HDAC9: variants seen among roughly 807,000 people sequenced by gnomAD.
HDAC9 encodes the protein histone deacetylase 9.
Under a neutral mutation model 139.4 loss-of-function variants are expected in HDAC9, and 41 were observed. The observed-to-expected ratio is 0.29, with a 90% CI of 0.23 to 0.38. The LOEUF (loss-of-function observed/expected upper bound fraction) is 0.38, where lower values mean the gene tolerates loss of function less well. HDAC9 is among the 10% of genes least tolerant of loss of function. The probability of loss-of-function intolerance (pLI) is 1.00; values close to 1 mark genes in which losing one functional copy is unlikely to be tolerated. For missense variants in HDAC9, 1,147 were observed against 1,297.0 expected (o/e 0.88, Z 1.78); for synonymous variants, 517 against 476.2 (o/e 1.09, Z -1.12).
intron 12 of HDAC9, among the ~76,000 whole-genome samples, chr7:18,709,804 T>C (rs993956932): frequency 1.3e-5 from 2 of 152,168 alleles, no homozygotes; most frequent in African/African-American, 4.8e-5. Flanking sequence ...CCCAAAGTGT[T>C]GGCATCACAG....
At chr7:18,506,227 C>G (rs1167059892) in intron 2 of HDAC9, among the ~76,000 whole-genome samples, 3 of 152,052 alleles carry the variant, frequency 2.0e-5, no homozygotes, top group Admixed American at 6.5e-5. Context: ...ATCTCTGCCA[C>G]CTTGAGAGAA....
At position 18,992,173 on chromosome 7, in the gene HDAC9, A is replaced by G. The variant is rs146063485; in HGVS notation, c.3171-3850A>G. On this transcript the variant is annotated intron_variant, in intron 25 of 25. Coordinates refer to ENST00000686413, the MANE Select transcript of HDAC9 (RefSeq NM_178425.4). ...AATGTATACCAAAGACATTCTCAGCATAAGTCTTTAGAGTACGTATACTAG... is the reference window on the plus strand; with the variant it reads ...AATGTATACCAAAGACATTCTCAGCGTAAGTCTTTAGAGTACGTATACTAG... Among the ~76,000 whole-genome samples the G allele has an allele frequency of 6.6e-3, 1,010 of 152,342 alleles. 18 individuals are homozygous for G. Among genetic ancestry groups the G allele is most frequent in the African/African-American group, 0.023 (962 of 41,582 alleles).
chr7:18,724,494 A>G lies in HDAC9; in HGVS notation c.1732-3086A>G, dbSNP rs567595369. ...AATGAGTGGAGCTTGCATAACTGGAAGTTGCTGTGGGTGAGTCAGCGACTG... is the reference window on the plus strand; with the variant it reads ...AATGAGTGGAGCTTGCATAACTGGAGGTTGCTGTGGGTGAGTCAGCGACTG... On this transcript the variant is annotated intron_variant, in intron 12 of 25. Coordinates refer to ENST00000686413, the MANE Select transcript of HDAC9 (RefSeq NM_178425.4). Among the ~76,000 whole-genome samples the G allele has an allele frequency of 6.8e-4, 104 of 152,310 alleles. 1 individual carries two copies. The highest frequency in any genetic ancestry group is 5.6e-3 in the South Asian group (27 of 4,816).
intron 1 of HDAC9, among the ~76,000 whole-genome samples, chr7:18,355,462 A>G (rs1332069698): frequency 6.6e-6 from 1 of 152,222 alleles, no homozygotes. Flanking sequence ...TTAGGATTAA[A>G]AAAATTCTGT....
At chr7:18,207,539 CTTT>C (rs56690120) in intron 2 of HDAC9, among the ~76,000 whole-genome samples, 21 of 53,742 alleles carry the variant, frequency 3.9e-4, no homozygotes, top group Admixed American at 3.3e-3. Flanking sequence ...CCCAAGGAGT[CTTT>C]TTTTTTTTTT....
intron 17 of HDAC9, among the ~76,000 whole-genome samples, chr7:18,825,397 GC>G (rs1212207255): frequency 6.6e-6 from 1 of 152,130 alleles, no homozygotes; most frequent in African/African-American, 2.4e-5. Flanking sequence ...AATTATAGAA[GC>G]CAAGAAAAGT....
intron 1 of HDAC9, among the ~76,000 whole-genome samples, chr7:18,129,944 G>A (rs907308247): frequency 3.3e-5 from 5 of 151,242 alleles, no homozygotes; most frequent in African/African-American, 1.2e-4. Flanking sequence ...ATTCTTTGAG[G>A]AAGTGGCACT....
At chr7:18,586,190 C>G (rs1055360781) in intron 3 of HDAC9, among the ~76,000 whole-genome samples, 5 of 151,826 alleles carry the variant, frequency 3.3e-5, no homozygotes, top group African/African-American at 1.2e-4. Context: ...TATCCATATT[C>G]CAGAATTTTT....
At chr7:18,165,998 C>G (rs879634170) in intron 2 of HDAC9, among the ~76,000 whole-genome samples, 6 of 152,172 alleles carry the variant, frequency 3.9e-5, no homozygotes, top group Admixed American at 2.0e-4. Context: ...CCCAGGGCAG[C>G]TTTTTAGTCC....
intron 25 of HDAC9, among the ~76,000 whole-genome samples, chr7:18,978,853 G>A (rs1210513840): frequency 1.3e-5 from 2 of 152,130 alleles, no homozygotes; most frequent in Non-Finnish European, 2.9e-5. Context: ...AAAAGATTTG[G>A]AAAGGCAATC....
intron 2 of HDAC9, among the ~76,000 whole-genome samples, chr7:18,568,020 G>GTGTGTATATA (rs1402833122): frequency 2.0e-5 from 1 of 48,848 alleles, no homozygotes; most frequent in African/African-American, 1.2e-4. Flanking sequence ...CAGGATATAT[G>GTGTGTATATA]TATATGTATA....
At chr7:18,711,124 T>A (rs1045830812) in intron 12 of HDAC9, among the ~76,000 whole-genome samples, 1 of 152,206 alleles carries the variant, frequency 6.6e-6, no homozygotes, top group Non-Finnish European at 1.5e-5. Context: ...ACAATCTCTA[T>A]GCAGTAGATA....
chr7:18,096,678 C>T (rs1782522420), intron 1 of HDAC9, among the ~76,000 whole-genome samples: 1 of 152,164 alleles, frequency 6.6e-6, no homozygotes, highest in African/African-American at 2.4e-5. Flanking sequence ...TTCCATAGCA[C>T]TGTGTGCATT....
At position 18,909,981 on chromosome 7, in the gene HDAC9, A is replaced by AT. The variant is rs34293829; in HGVS notation, c.2804-25820dup. Among the ~76,000 whole-genome samples the AT allele has an allele frequency of 8.9e-3, 1,354 of 151,376 alleles. 31 individuals carry two copies. The highest frequency in any genetic ancestry group is 0.032 in the African/African-American group (1,302 of 41,284). On this transcript the variant is annotated intron_variant, in intron 22 of 25. Transcript: ENST00000686413. The stretch of plus-strand genomic sequence containing the variant: ...TTTGTGGTTTCATACAAATTTTAGG[A>AT]TTTTTTTTATTTGTGCAGAGAATGA...
intron 16 of HDAC9, 169 bp from the exon 17 acceptor site, chr7:18,793,176 G>T: frequency 1.7e-6 from 1 of 604,072 alleles, no homozygotes; most frequent in East Asian, 2.8e-5. Flanking sequence ...CAAGACGGAA[G>T]ACTAATGTTA....
At chr7:18,990,226 G>C (rs1279215671) in intron 25 of HDAC9, among the ~76,000 whole-genome samples, 1 of 152,168 alleles carries the variant, frequency 6.6e-6, no homozygotes, top group Non-Finnish European at 1.5e-5. Flanking sequence ...GTACAGATGG[G>C]TTTCTGGTGT....
intron 2 of HDAC9, among the ~76,000 whole-genome samples, chr7:18,550,336 A>G (rs752532295): frequency 7.2e-5 from 11 of 152,104 alleles, no homozygotes; most frequent in Admixed American, 2.6e-4. Context: ...TTCCCAACCT[A>G]TATGTATTCC....
At chr7:18,558,720 C>T (rs1400173381) in intron 2 of HDAC9, among the ~76,000 whole-genome samples, 1 of 152,198 alleles carries the variant, frequency 6.6e-6, no homozygotes, top group Non-Finnish European at 1.5e-5. Flanking sequence ...ACGAACTTTT[C>T]TGGCAACATT....
chr7:18,544,106 G>A (rs890044309), intron 2 of HDAC9, among the ~76,000 whole-genome samples: 6 of 152,308 alleles, frequency 3.9e-5, no homozygotes, highest in Admixed American at 2.0e-4. Flanking sequence ...GGGATTGTAG[G>A]ACCCAAAGTG....
Sources: allele counts gnomAD v4.1 joint callset (sites outside exome capture counted in the v4.1 genomes callset), GRCh38; gene constraint gnomAD v4.1.1; transcripts MANE v1.5; gene names NCBI Gene and HGNC (gene_info 2026-07-23, HGNC 2026-07-21).